The following NFU1 variants were observed in gnomAD, a reference collection of about 807,000 sequenced individuals.
NFU1 encodes NFU1 iron-sulfur cluster scaffold, also known as NFU1 iron-sulfur cluster scaffold homolog, mitochondrial.
In NFU1, 30 loss-of-function variants were observed where a neutral mutation model predicts 32.2. The ratio of observed to expected loss-of-function variants is 0.93; its 90% confidence interval spans 0.70 to 1.26. The LOEUF is 1.26. Among genes scored for constraint, NFU1 ranks in the 50% most tolerant of loss-of-function variants. NFU1 has a pLI of 0.00. For synonymous variants in NFU1, 112 were observed against 104.6 expected (o/e 1.07, Z -0.43); for missense variants, 306 against 306.6 (o/e 1.00, Z 0.02).
intron 2 of NFU1, among the ~76,000 whole-genome samples, chr2:69,429,236 C>G (rs1673559872): frequency 6.6e-6 from 1 of 152,202 alleles, no homozygotes; most frequent in Admixed American, 6.5e-5. Flanking sequence ...TAACCAAAAT[C>G]TGCACACAGT....
intron 6 of NFU1, 61 bp from the exon 7 acceptor site, chr2:69,400,599 T>C: frequency 6.9e-7 from 1 of 1,443,528 alleles, no homozygotes; most frequent in Non-Finnish European, 9.7e-7. Flanking sequence ...ATTGAAAAAA[T>C]TTAATACAGC....
rs1672515636 is a variant in NFU1 at position 69,401,299 on chromosome 2, A to T, written c.546-761T>A. On this transcript the variant is annotated intron_variant, in intron 6 of 7. Coordinates refer to ENST00000410022, the MANE Select transcript of NFU1 (RefSeq NM_001002755.4). ...TGCTGCCATTATCCTAATTCATATC[A>T]CCACTGATGAGTTTTGCCAGTCTCT... 3.9e-5 allele frequency among the ~76,000 whole-genome samples: 6 copies of T among 152,150 alleles called. No individual in the cohort carries two copies. The South Asian group carries it at 1.2e-3, about 32-fold the overall frequency.
chr2:69,404,103 GCTGGGATTACAGGCGTGAGGCA>G (rs1672614521), intron 6 of NFU1, among the ~76,000 whole-genome samples: 1 of 151,290 alleles, frequency 6.6e-6, no homozygotes, highest in Non-Finnish European at 1.5e-5. Context: ...CTCCCAAAGT[GCTGGGATTACAGGCGTGAGGCA>G]CCGCACCCGG....
chr2:69,422,177 G>A (rs931862043), intron 3 of NFU1, among the ~76,000 whole-genome samples: 3 of 152,096 alleles, frequency 2.0e-5, no homozygotes, highest in African/African-American at 7.2e-5. Context: ...GGAGGGCACA[G>A]GCAGACAGGG....
chr2:69,437,620 A>G, upstream of NFU1: 1 of 685,284 alleles, frequency 1.5e-6, no homozygotes, highest in Non-Finnish European at 2.6e-6. Flanking sequence ...AGGCCGGGGA[A>G]CCTTTCCCGT....
rs70954344 is a variant in NFU1, at chr2:69,408,734, T to TTATATATATA, written c.485-2662_485-2653dup. ...CACCGTCTCAAAAAAATATAAAATT[T>TTATATATATA]TATATATATATATATATATATATAT... On this transcript the variant is annotated intron_variant, in intron 5 of 7. Coordinates refer to ENST00000410022, the MANE Select transcript of NFU1 (RefSeq NM_001002755.4). 2.9e-3 allele frequency among the ~76,000 whole-genome samples: 397 copies of TTATATATATA among 136,330 alleles called. 2 individuals carry two copies. Among genetic ancestry groups the TTATATATATA allele is most frequent in the Non-Finnish European group, 4.7e-3 (295 of 63,050 alleles). 89.4% of individuals were successfully genotyped at this position (136,330 alleles called of 152,430 possible).
Position 69,437,347 on chromosome 2 carries a change from G to C in NFU1, c.62+14C>G, listed in dbSNP as rs370979719. On this transcript the variant is annotated intron_variant, in intron 1 of 7. Coordinates refer to ENST00000410022, the MANE Select transcript of NFU1 (RefSeq NM_001002755.4). ...AGCGGCACACCTATTCGGAGCTCCA[G>C]GCTCGTCACCTACCGCCTGCGCAGC... 22 of 1,604,768 alleles carry C rather than the reference G, an allele frequency of 1.4e-5. No homozygotes were observed. In the African/African-American group the frequency reaches 2.8e-4, roughly 20 times the overall value.
At chr2:69,414,639 A>G (rs1166778476) in intron 5 of NFU1, among the ~76,000 whole-genome samples, 1 of 151,392 alleles carries the variant, frequency 6.6e-6, no homozygotes, top group Non-Finnish European at 1.5e-5. Flanking sequence ...AAAAAAAAAA[A>G]AAACAGAGAT....
chr2:69,415,259 A>C lies in NFU1; in HGVS notation c.410T>G (p.Ile137Ser). The C allele has an allele frequency of 6.2e-7, 1 of 1,612,684 alleles. No individual in the cohort carries two copies. The highest frequency in any genetic ancestry group is 8.5e-7 in the Non-Finnish European group (1 of 1,178,796). ...AAAGAAGTCCATGATTGTTGCATAAATATCTGGTTTCAGTAAATTCCAGTC... is the reference window on the plus strand; with the variant it reads ...AAAGAAGTCCATGATTGTTGCATAACTATCTGGTTTCAGTAAATTCCAGTC... ...ELDWNLLKPDIYATIMDFFAS... is the reference protein window; with the variant it reads ...ELDWNLLKPDSYATIMDFFAS... The change falls in exon 5 of 8, where the codon ATT becomes AGT. Residue 137 changes from isoleucine to serine, a missense_variant. Transcript: ENST00000410022.
At chr2:69,428,298 G>A (rs562367502) in intron 2 of NFU1, among the ~76,000 whole-genome samples, 6 of 151,868 alleles carry the variant, frequency 4.0e-5, no homozygotes, top group East Asian at 1.9e-4. Context: ...GGTGATGTGC[G>A]CCTGTAATCC....
intron 7 of NFU1, among the ~76,000 whole-genome samples, chr2:69,397,949 C>A (rs1574105888): frequency 6.7e-6 from 1 of 149,918 alleles, no homozygotes; most frequent in Admixed American, 6.6e-5. Context: ...GATTCTGGCT[C>A]TGATCTGAGA....
intron 2 of NFU1, among the ~76,000 whole-genome samples, chr2:69,431,552 C>T (rs1429528457): frequency 1.3e-5 from 2 of 152,208 alleles, no homozygotes; most frequent in African/African-American, 4.8e-5. Context: ...AGCGATCAAC[C>T]TGCCTCAGCC....
chr2:69,413,682 C>T (rs1246830328), intron 5 of NFU1, among the ~76,000 whole-genome samples: 2 of 152,130 alleles, frequency 1.3e-5, no homozygotes, highest in African/African-American at 4.8e-5. Flanking sequence ...TCGCTTGAAC[C>T]TGGGAAGCAG....
At chr2:69,411,136 A>G (rs1672865194) in intron 5 of NFU1, 1 of 152,124 alleles carries the variant, frequency 6.6e-6, no homozygotes, top group South Asian at 2.1e-4. Flanking sequence ...GGGATAATTG[A>G]TTACCTATGT....
chr2:69,400,815 T>C lies in NFU1; in HGVS notation c.546-277A>G, dbSNP rs1203602578. On this transcript the variant is annotated intron_variant, in intron 6 of 7. Coordinates refer to ENST00000410022, the MANE Select transcript of NFU1 (RefSeq NM_001002755.4). ...AATATCTTTTTAAGGCTGGGCATGG[T>C]GGCTCACACCTATATTCCCAGCAAT... is the stretch of plus-strand genomic sequence containing the variant. Among the ~76,000 whole-genome samples the C allele has an allele frequency of 2.0e-5, 3 of 152,312 alleles. No individual in the cohort carries two copies. In the East Asian group the frequency reaches 5.8e-4, roughly 29 times the overall value.
At chr2:69,422,311 T>A (rs577120730) in intron 3 of NFU1, among the ~76,000 whole-genome samples, 14 of 152,308 alleles carry the variant, frequency 9.2e-5, no homozygotes, top group African/African-American at 3.4e-4. Flanking sequence ...TTTCTGGAAT[T>A]TTCCATTTAA....
chr2:69,408,906 C>T (rs1672793231), intron 5 of NFU1, among the ~76,000 whole-genome samples: 1 of 120,684 alleles, frequency 8.3e-6, no homozygotes, highest in South Asian at 2.8e-4. Flanking sequence ...ACTCTTTTAC[C>T]TCAGCTCACT....
chr2:69,398,179 C>T (rs1185332657), intron 7 of NFU1, among the ~76,000 whole-genome samples: 3 of 152,144 alleles, frequency 2.0e-5, no homozygotes, highest in Non-Finnish European at 4.4e-5. Flanking sequence ...GTAAGGCACA[C>T]AGCTAGTTGT....
intron 1 of NFU1, chr2:69,437,135 G>A: frequency 1.1e-6 from 1 of 928,938 alleles, no homozygotes; most frequent in Non-Finnish European, 1.6e-6. Flanking sequence ...GGGTCTCTGA[G>A]CCTGAGAGGA....
Sources: gnomAD v4.1 joint callset for allele counts (sites outside exome capture counted in the v4.1 genomes callset) on GRCh38, gnomAD v4.1.1 for gene constraint, MANE v1.5 for transcripts, NCBI Gene and HGNC (gene_info 2026-07-23, HGNC 2026-07-21) for gene names.